Variants in PRKG1 observed in about 807,000 individuals in gnomAD.
PRKG1 encodes the protein cGMP-dependent protein kinase 1.
PRKG1 carries 35 observed loss-of-function variants against 88.1 expected under a neutral mutation model. That is an observed-to-expected ratio of 0.40 (90% CI 0.30 to 0.53). The LOEUF (loss-of-function observed/expected upper bound fraction) is 0.53, where lower values mean the gene tolerates loss of function less well. PRKG1 is among the 20% of genes least tolerant of loss of function. The pLI is 0.59. For synonymous variants in PRKG1, 303 were observed against 292.5 expected, an observed-to-expected ratio of 1.04 and a Z score of -0.37; for missense variants, 540 against 839.8, an observed-to-expected ratio of 0.64 and a Z score of 4.41.
At chr10:51,153,067 T>C in intron 1 of PRKG1, 97 bp from the exon 2 acceptor site, 2 of 933,956 alleles carry the variant, frequency 2.1e-6, no homozygotes, top group Admixed American at 2.9e-5. Context: ...GAAAATACAT[T>C]TGTGGTGTGC....
At chr10:50,992,712 T>C (rs1411153604) in intron 1 of PRKG1, among the ~76,000 whole-genome samples, 3 of 152,082 alleles carry the variant, frequency 2.0e-5, no homozygotes, top group Non-Finnish European at 4.4e-5. Context: ...TGCACTCCAC[T>C]CGTCGCCTTC....
chr10:51,773,685 T>G (rs368124469), intron 3 of PRKG1, among the ~76,000 whole-genome samples: 1 of 147,020 alleles, frequency 6.8e-6, no homozygotes, highest in East Asian at 1.9e-4. Context: ...CTAGTGTACA[T>G]ATACACAAAT....
chr10:51,072,337 C>T (rs907517946), upstream of PRKG1, among the ~76,000 whole-genome samples: 1 of 152,102 alleles, frequency 6.6e-6, no homozygotes, highest in Non-Finnish European at 1.5e-5. Flanking sequence ...TTCATGAACC[C>T]CAATAATAGA....
Position 51,845,085 on chromosome 10 carries a change from C to A in PRKG1, c.698+40395C>A, listed in dbSNP as rs1005512390. 3.9e-5 allele frequency among the ~76,000 whole-genome samples: 6 copies of A among 152,242 alleles called. 1 individual carries two copies. Among genetic ancestry groups the A allele is most frequent in the Middle Eastern group, 3.4e-3 (1 of 294 alleles). On this transcript the variant is annotated intron_variant, in intron 4 of 17. Transcript: ENST00000373980. ...ATGTAAATGTCTGGTTGGCCAGCTACCTCACCTGACCTCAAAATATCCTTG... is the reference window on the plus strand; with the variant it reads ...ATGTAAATGTCTGGTTGGCCAGCTAACTCACCTGACCTCAAAATATCCTTG...
chr10:51,412,339 G>GAA (rs1406327603), intron 2 of PRKG1, among the ~76,000 whole-genome samples: 4 of 152,008 alleles, frequency 2.6e-5, no homozygotes, highest in Non-Finnish European at 2.9e-5. Flanking sequence ...ACATTGTGCT[G>GAA]AAAACCACCT....
chr10:51,354,893 T>C (rs1842331408), intron 2 of PRKG1, among the ~76,000 whole-genome samples: 1 of 152,108 alleles, frequency 6.6e-6, no homozygotes, highest in South Asian at 2.1e-4. Flanking sequence ...ATCTGTGCTG[T>C]GTAGGCTCAG....
At chr10:51,132,712 T>C (rs1314902078) in intron 1 of PRKG1, among the ~76,000 whole-genome samples, 1 of 147,802 alleles carries the variant, frequency 6.8e-6, no homozygotes, top group African/African-American at 2.5e-5. Context: ...TATTATGTTA[T>C]ATATATATTA....
intron 3 of PRKG1, among the ~76,000 whole-genome samples, chr10:51,783,067 TA>T (rs895254620): frequency 1.3e-5 from 2 of 152,032 alleles, no homozygotes; most frequent in African/African-American, 4.8e-5. Context: ...CTCTTAGTAT[TA>T]AAAAAAGTCT....
intron 2 of PRKG1, among the ~76,000 whole-genome samples, chr10:51,248,135 A>G (rs531447492): frequency 6.6e-6 from 1 of 151,868 alleles, no homozygotes; most frequent in Non-Finnish European, 1.5e-5. Flanking sequence ...TAAACTACAT[A>G]CATTGTTAAG....
At chr10:51,634,305 G>T (rs950624786) in intron 3 of PRKG1, among the ~76,000 whole-genome samples, 16 of 152,084 alleles carry the variant, frequency 1.1e-4, no homozygotes, top group Non-Finnish European at 2.2e-4. Context: ...TTACATTGTG[G>T]GCTTTGCTAA....
At chr10:51,399,891 C>T (rs1378673223) in intron 2 of PRKG1, among the ~76,000 whole-genome samples, 1 of 152,086 alleles carries the variant, frequency 6.6e-6, no homozygotes, top group Non-Finnish European at 1.5e-5. Flanking sequence ...ATGTGGGTGC[C>T]GGGGGCAGAG....
chr10:51,047,490 G>A (rs1843504871), intron 1 of PRKG1, among the ~76,000 whole-genome samples: 1 of 151,968 alleles, frequency 6.6e-6, no homozygotes, highest in African/African-American at 2.4e-5. Context: ...TAGGAGAGAT[G>A]GAATGTTGAT....
chr10:51,742,781 G>GT (rs772775464), intron 3 of PRKG1, among the ~76,000 whole-genome samples: 9 of 152,024 alleles, frequency 5.9e-5, no homozygotes, highest in Non-Finnish European at 8.8e-5. Context: ...TCTTTATGTG[G>GT]TAAATGAAGC....
At chr10:51,802,064 A>G (rs950838689) in intron 3 of PRKG1, among the ~76,000 whole-genome samples, 1 of 152,166 alleles carries the variant, frequency 6.6e-6, no homozygotes, top group African/African-American at 2.4e-5. Flanking sequence ...AAGGTGAATG[A>G]AGAGATATAT....
Position 51,778,731 on chromosome 10 carries a change from A to G in PRKG1, c.593-25854A>G, listed in dbSNP as rs531290756. 3.3e-5 allele frequency among the ~76,000 whole-genome samples: 5 copies of G among 152,254 alleles called. No homozygotes were observed. In the South Asian group the frequency reaches 1.0e-3, roughly 32 times the overall value. ...TAATCTTGTAGCTGTAAGAGTAGAT[A>G]TGATATTTACCTGTGGGAAAGTTTT... On this transcript the variant is annotated intron_variant, in intron 3 of 17. Coordinates refer to ENST00000373980, the MANE Select transcript of PRKG1 (RefSeq NM_006258.4).
intron 2 of PRKG1, among the ~76,000 whole-genome samples, chr10:51,424,986 C>T (rs1222432808): frequency 6.6e-6 from 1 of 152,036 alleles, no homozygotes; most frequent in African/African-American, 2.4e-5. Context: ...ATCTTCTGAA[C>T]AGAATACAGC....
intron 5 of PRKG1, among the ~76,000 whole-genome samples, chr10:51,978,210 A>C (rs1843897591): frequency 6.6e-6 from 1 of 151,614 alleles, no homozygotes; most frequent in Non-Finnish European, 1.5e-5. Context: ...CATTTATTGA[A>C]TAGGGAGTCC....
chr10:51,734,527 G>T (rs137971253), intron 3 of PRKG1, among the ~76,000 whole-genome samples: 3 of 152,074 alleles, frequency 2.0e-5, no homozygotes, highest in Non-Finnish European at 2.9e-5. Context: ...TCAGTGTAAC[G>T]CTGCCCCAAA....
intron 1 of PRKG1, among the ~76,000 whole-genome samples, chr10:51,134,238 A>T (rs1845638345): frequency 6.6e-6 from 1 of 152,202 alleles, no homozygotes; most frequent in Non-Finnish European, 1.5e-5. Context: ...AATTTTGCAA[A>T]TCATTATAAT....
Sources: gnomAD v4.1 joint callset for allele counts (sites outside exome capture counted in the v4.1 genomes callset) on GRCh38, gnomAD v4.1.1 for gene constraint, MANE v1.5 for transcripts, NCBI Gene and HGNC (gene_info 2026-07-23, HGNC 2026-07-21) for gene names.